Variants in TAFA5 observed in about 807,000 individuals in gnomAD.
The protein encoded by TAFA5 is chemokine-like protein TAFA-5.
Under a neutral mutation model 15.3 loss-of-function variants are expected in TAFA5, and 6 were observed. That is an observed-to-expected ratio of 0.39 (90% confidence interval 0.21 to 0.77). The LOEUF (loss-of-function observed/expected upper bound fraction) is 0.77. TAFA5 is among the 30% of genes least tolerant of loss of function. TAFA5 has a pLI of 0.41. For missense variants in TAFA5, 161 were observed against 193.1 expected (o/e 0.83, Z 0.98); for synonymous variants, 103 against 80.7 (o/e 1.28, Z -1.48).
chr22:48,638,088 G>A (rs1046445745), intron 1 of TAFA5, among the ~76,000 whole-genome samples: 5 of 152,074 alleles, frequency 3.3e-5, no homozygotes, highest in African/African-American at 7.2e-5. Context: ...ACTCACCTGC[G>A]GGTATCGGGG....
intron 1 of TAFA5, among the ~76,000 whole-genome samples, chr22:48,584,004 AACACACCACACACC>A (rs376005906): frequency 6.9e-6 from 1 of 144,076 alleles, no homozygotes; most frequent in East Asian, 2.1e-4. Flanking sequence ...CCACACATAT[AACACACCACACACC>A]ACACGCCACA....
intron 1 of TAFA5, among the ~76,000 whole-genome samples, chr22:48,505,223 A>G (rs1251935478): frequency 1.3e-5 from 2 of 152,192 alleles, no homozygotes; most frequent in Non-Finnish European, 2.9e-5. Context: ...TCTCCGTGAC[A>G]AGTCACAACT....
rs184223825 is a variant in TAFA5, at chr22:48,750,126, C to T, written c.*279C>T. On this transcript the variant is annotated 3_prime_UTR_variant, in exon 4 of 4. Transcript: ENST00000402357. ...GAGCCCGGCCGCGCCCAGCCCCCGC[C>T]GACCGTGGCGTTGGCCCTGCTGTCC... 26 of 498,430 alleles carry T rather than the reference C, an allele frequency of 5.2e-5. No homozygotes were observed. Among genetic ancestry groups the T allele is most frequent in the African/African-American group, 4.1e-4 (21 of 50,744 alleles). The allele number at this position is 498,430 out of a possible 1,614,324, so 30.9% of individuals were successfully genotyped here. A position where few individuals can be genotyped will look rare whatever the true frequency, so the allele number is the denominator to read the frequency against.
chr22:48,704,681 A>G (rs132230), intron 2 of TAFA5, among the ~76,000 whole-genome samples: 115,796 of 151,208 alleles, frequency 0.77, 44,957 homozygotes, highest in African/African-American at 0.9. Context: ...TTTTTCTCGG[A>G]GGGAGACACT....
intron 1 of TAFA5, among the ~76,000 whole-genome samples, chr22:48,579,937 G>T (rs564409118): frequency 6.6e-6 from 1 of 152,320 alleles, no homozygotes. Flanking sequence ...TTAAATGTGG[G>T]TTTGAGGTTC....
chr22:48,618,539 G>T (rs896612236), intron 1 of TAFA5, among the ~76,000 whole-genome samples: 1 of 152,218 alleles, frequency 6.6e-6, no homozygotes, highest in African/African-American at 2.4e-5. Context: ...CTGTAATCAG[G>T]TGGCCTCGTC....
chr22:48,744,304 G>A (rs906882814), intron 3 of TAFA5, among the ~76,000 whole-genome samples: 1 of 152,224 alleles, frequency 6.6e-6, no homozygotes, highest in Non-Finnish European at 1.5e-5. Context: ...GCTCCAAGGT[G>A]GGGGCCACAG....
intron 1 of TAFA5, among the ~76,000 whole-genome samples, chr22:48,628,061 C>T (rs1212594297): frequency 1.3e-5 from 2 of 152,190 alleles, no homozygotes; most frequent in African/African-American, 2.4e-5. Context: ...TCTCTGCAAG[C>T]CAGGCTGGGG....
At chr22:48,675,919 A>G (rs132216) in intron 2 of TAFA5, among the ~76,000 whole-genome samples, 135,437 of 152,340 alleles carry the variant, frequency 0.89, 60,497 homozygotes, top group East Asian at 1. Context: ...CCTGACGCCC[A>G]GGCACAGGTG....
At chr22:48,629,769 C>T (rs973953618) in intron 1 of TAFA5, among the ~76,000 whole-genome samples, 3 of 152,228 alleles carry the variant, frequency 2.0e-5, no homozygotes, top group Admixed American at 1.3e-4. Flanking sequence ...ATGCTTGGGA[C>T]GGTCCCTAGC....
intron 2 of TAFA5, among the ~76,000 whole-genome samples, chr22:48,704,918 C>T (rs1929032676): frequency 6.6e-6 from 1 of 152,016 alleles, no homozygotes; most frequent in Non-Finnish European, 1.5e-5. Flanking sequence ...TTCCTGGCTT[C>T]TAGGCAGCAT....
At chr22:48,576,251 C>T (rs1163407208) in intron 1 of TAFA5, 3 of 511,548 alleles carry the variant, frequency 5.9e-6, no homozygotes, top group Non-Finnish European at 8.6e-6. Flanking sequence ...CCGCCCCCGC[C>T]CGCCCCCTCC....
At chr22:48,555,285 G>A (rs1404671409) in intron 1 of TAFA5, among the ~76,000 whole-genome samples, 2 of 152,202 alleles carry the variant, frequency 1.3e-5, no homozygotes, top group African/African-American at 2.4e-5. Flanking sequence ...GGCACGACCG[G>A]CTTCCCAGGT....
intron 2 of TAFA5, among the ~76,000 whole-genome samples, chr22:48,691,352 C>A (rs545492747): frequency 6.6e-6 from 1 of 152,336 alleles, no homozygotes; most frequent in African/African-American, 2.4e-5. Context: ...GATTTTACTT[C>A]ACGTTTGACA....
rs562024416 is a variant in TAFA5, at chr22:48,575,377, G to C, written c.113-71220G>C. 2.8e-3 allele frequency among the ~76,000 whole-genome samples: 419 copies of C among 149,180 alleles called. 1 individual carries two copies. Among genetic ancestry groups the C allele is most frequent in the African/African-American group, 8.7e-3 (358 of 41,200 alleles). ...AGTGCGCATCCGCGGCTCCGCGGCCGGGAGGAGCGCAGACGGCGGCGGGCG... is the reference window on the plus strand; with the variant it reads ...AGTGCGCATCCGCGGCTCCGCGGCCCGGAGGAGCGCAGACGGCGGCGGGCG... On this transcript the variant is annotated intron_variant, in intron 1 of 3. Transcript: ENST00000402357.
chr22:48,600,553 T>A (rs1363140527), intron 1 of TAFA5, among the ~76,000 whole-genome samples: 1 of 104,810 alleles, frequency 9.5e-6, no homozygotes, highest in Non-Finnish European at 1.9e-5. Context: ...TGCGTGTGTC[T>A]GTACGTGTGA....
intron 3 of TAFA5, among the ~76,000 whole-genome samples, chr22:48,735,564 G>A (rs958222581): frequency 6.6e-6 from 1 of 152,230 alleles, no homozygotes; most frequent in African/African-American, 2.4e-5. Flanking sequence ...TGACTTAAAG[G>A]ATGCTAATAG....
rs1238297885 is a variant in TAFA5, at chr22:48,598,377, C to T, written c.113-48220C>T. On this transcript the variant is annotated intron_variant, in intron 1 of 3. Coordinates refer to ENST00000402357, the MANE Select transcript of TAFA5 (RefSeq NM_001082967.3). The surrounding 1 kb of genome is among the most constrained non-coding windows in gnomAD (Gnocchi z 4.0). ...TCAAGTTGACACATGTTACCCATCACTTGGAGGTTATTTCCAGGGGGCAGT... is the reference window on the plus strand; with the variant it reads ...TCAAGTTGACACATGTTACCCATCATTTGGAGGTTATTTCCAGGGGGCAGT... 6.6e-6 allele frequency among the ~76,000 whole-genome samples: 1 copy of T among 152,210 alleles called. No individual in the cohort carries two copies. The highest frequency in any genetic ancestry group is 1.5e-5 in the Non-Finnish European group (1 of 68,038).
In TAFA5 at chr22:48,598,110, G is replaced by A. The variant is rs1170005680; in HGVS notation, c.113-48487G>A. On this transcript the variant is annotated intron_variant, in intron 1 of 3. Transcript: ENST00000402357. This position sits in a 1 kb window ranked among gnomAD's most constrained non-coding sequence, Gnocchi z 4.0. Reference sequence around the variant, plus strand: ...ACATCTGCAGGGAAGAGGGCAGGCTGGAGACGCAGCGAGAGGTGCAGCTGG... The same window carrying A: ...ACATCTGCAGGGAAGAGGGCAGGCTAGAGACGCAGCGAGAGGTGCAGCTGG... Among the ~76,000 whole-genome samples, 1 of 152,188 alleles carries A rather than the reference G, an allele frequency of 6.6e-6. No individual in the cohort carries two copies. Among genetic ancestry groups the A allele is most frequent in the African/African-American group, 2.4e-5 (1 of 41,442 alleles).
Sources: allele counts gnomAD v4.1 joint callset (sites outside exome capture counted in the v4.1 genomes callset), GRCh38; gene constraint gnomAD v4.1.1; non-coding constraint Gnocchi (gnomAD v3.1); transcripts MANE v1.5; gene names NCBI Gene and HGNC (gene_info 2026-07-23, HGNC 2026-07-21).